AHRR: variants seen among roughly 807,000 people sequenced by gnomAD.
AHRR encodes the protein aryl hydrocarbon receptor repressor.
Under a neutral mutation model 44.0 loss-of-function variants are expected in AHRR, and 28 were observed. The ratio of observed to expected loss-of-function variants is 0.64; its 90% confidence interval spans 0.47 to 0.87. The LOEUF is 0.87. Ranked by LOEUF, AHRR falls within the 40% of genes least tolerant of loss-of-function variation. AHRR has a pLI of 0.00. For synonymous variants in AHRR, 434 were observed against 407.0 expected (o/e 1.07, Z -0.80); for missense variants, 990 against 953.9 (o/e 1.04, Z -0.50).
At chr5:322,857 G>C (rs372173675) in intron 1 of AHRR, among the ~76,000 whole-genome samples, 3 of 152,168 alleles carry the variant, frequency 2.0e-5, no homozygotes, top group Non-Finnish European at 4.4e-5. Flanking sequence ...CGCTTCGACG[G>C]GGGGGACGCC....
chr5:346,296 A>G (rs1272746678), intron 2 of AHRR, among the ~76,000 whole-genome samples: 1 of 152,250 alleles, frequency 6.6e-6, no homozygotes, highest in East Asian at 1.9e-4. Context: ...GCAGGGAGCC[A>G]GCCTGAAGAC....
rs778039296 is a variant in AHRR at position 343,933 on chromosome 5, G to A, written c.31G>A (p.Gly11Ser). 1 of 1,601,092 alleles carries A rather than the reference G, an allele frequency of 6.2e-7. No homozygotes were observed. The highest frequency in any genetic ancestry group is 8.5e-7 in the Non-Finnish European group (1 of 1,174,390). Residue 11 changes from glycine to serine, a missense_variant, in exon 2 of 11, where the codon GGC (glycine) becomes AGC (serine). By Grantham distance (56) the Gly-to-Ser change is moderately conservative. Transcript: ENST00000684583. The stretch of plus-strand genomic sequence containing the variant: ...CCCGCCGGGGGAGTGCACGTACGCG[G>A]GCCGGAAGCGGAGGAGGCCCCTGCA... MIPPGECTYA[G>S]RKRRRPLQKQ... is the part of the protein sequence containing the mutation.
chr5:351,019 T>TTG (rs2126388084), intron 2 of AHRR, among the ~76,000 whole-genome samples: 1 of 151,604 alleles, frequency 6.6e-6, no homozygotes, highest in African/African-American at 2.4e-5. Context: ...ACATCATAAG[T>TTG]CATTAGAAAA....
chr5:435,867 T>G lies in AHRR; in HGVS notation c.*1033T>G. The G allele has an allele frequency of 6.6e-6, 1 of 152,454 alleles. No individual in the cohort carries two copies. Among genetic ancestry groups the G allele is most frequent in the East Asian group, 1.9e-4 (1 of 5,292 alleles). 9.4% of individuals were successfully genotyped at this position (152,454 alleles called of 1,614,324 possible). ...TTGTAAAGGCGATATTTTCTGAGAG[T>G]AGGAAATTTGGATACAAAAGCATAA... On this transcript the variant is annotated 3_prime_UTR_variant, in exon 11 of 11. Coordinates refer to ENST00000684583, the MANE Select transcript of AHRR (RefSeq NM_001377236.1).
At chr5:373,141 G>T (rs1214770400) in intron 3 of AHRR, among the ~76,000 whole-genome samples, 3 of 152,256 alleles carry the variant, frequency 2.0e-5, no homozygotes, top group African/African-American at 7.2e-5. Flanking sequence ...TGCGCGGTTG[G>T]CAGAGTGCTG....
intron 3 of AHRR, chr5:367,707 C>A: frequency 1.6e-6 from 1 of 618,898 alleles, no homozygotes; most frequent in Non-Finnish European, 2.9e-6. Context: ...CAGCCTCTGC[C>A]CCTCTGCCCT....
intron 4 of AHRR, among the ~76,000 whole-genome samples, chr5:400,342 C>T (rs2721021): frequency 1.3e-5 from 2 of 151,926 alleles, no homozygotes; most frequent in South Asian, 2.1e-4. Flanking sequence ...TCCCTGCGGT[C>T]CCTGGGGGAG....
At chr5:323,436 G>A (rs1008071059) in intron 1 of AHRR, among the ~76,000 whole-genome samples, 1 of 152,214 alleles carries the variant, frequency 6.6e-6, no homozygotes, top group Non-Finnish European at 1.5e-5. Flanking sequence ...GTAGGGCCAG[G>A]AAGTTCAGAT....
rs1379850525 is a variant in AHRR at position 326,212 on chromosome 5, CTT to C, written c.-11+4394_-11+4395del. 3.9e-5 allele frequency among the ~76,000 whole-genome samples: 6 copies of C among 152,274 alleles called. No individual in the cohort carries two copies. The highest frequency in any genetic ancestry group is 7.3e-5 in the Non-Finnish European group (5 of 68,052). ...CTGCCTCTCTCTAGCTCCAAAACCTCTTCATCGCCTCCGGCAGTGCTCACCCA... is the reference window on the plus strand; with the variant it reads ...CTGCCTCTCTCTAGCTCCAAAACCTCCATCGCCTCCGGCAGTGCTCACCCA... On this transcript the variant is annotated intron_variant, in intron 1 of 10. Coordinates refer to ENST00000684583, the MANE Select transcript of AHRR (RefSeq NM_001377236.1). The surrounding 1 kb of genome is among the most constrained non-coding windows in gnomAD (Gnocchi z 4.1).
chr5:350,510 T>C (rs1560887429), intron 2 of AHRR, among the ~76,000 whole-genome samples: 1 of 152,156 alleles, frequency 6.6e-6, no homozygotes, highest in Non-Finnish European at 1.5e-5. Flanking sequence ...GTGGCCTGTG[T>C]CCTCCTGGCT....
rs1275209940 is a variant in AHRR at position 435,979 on chromosome 5, A to ACCCC, written c.*1146_*1149dup. 1 of 152,600 alleles carries ACCCC rather than the reference A, an allele frequency of 6.6e-6. No individual in the cohort carries two copies. The highest frequency in any genetic ancestry group is 2.4e-5 in the African/African-American group (1 of 41,414). 9.5% of individuals were successfully genotyped at this position (152,600 alleles called of 1,614,324 possible). On this transcript the variant is annotated 3_prime_UTR_variant, in exon 11 of 11. Transcript: ENST00000684583. The stretch of plus-strand genomic sequence containing the variant: ...GGCTTCTTCCACGGTCTGGCCTGGA[A>ACCCC]CCCCACCCGGCTGGTGCAGGCATCA...
At chr5:385,119 ACT>A in intron 4 of AHRR, among the ~76,000 whole-genome samples, 1 of 150,720 alleles carries the variant, frequency 6.6e-6, no homozygotes, top group East Asian at 2.0e-4. Context: ...AACAAACAAA[ACT>A]CTCTTTAGCA....
chr5:347,903 G>A (rs1579608850), intron 2 of AHRR, among the ~76,000 whole-genome samples: 2 of 152,250 alleles, frequency 1.3e-5, no homozygotes, highest in Non-Finnish European at 2.9e-5. Flanking sequence ...CCTGAGGGCC[G>A]TGTCCAGTGC....
At position 388,091 on chromosome 5, in the gene AHRR, G is replaced by A. The variant is rs532506949; in HGVS notation, c.351+11375G>A. Among the ~76,000 whole-genome samples the A allele has an allele frequency of 3.9e-4, 60 of 152,290 alleles. No individual in the cohort carries two copies. The highest frequency in any genetic ancestry group is 1.3e-3 in the African/African-American group (56 of 41,550). On this transcript the variant is annotated intron_variant, in intron 4 of 10. Coordinates refer to ENST00000684583, the MANE Select transcript of AHRR (RefSeq NM_001377236.1). The surrounding 1 kb of genome is among the most constrained non-coding windows in gnomAD (Gnocchi z 5.2). ...ACCTCATCTCAGCTTCGTGACATCCGCCACTGTCCTATGTCCCAATACAGG... is the reference window on the plus strand; with the variant it reads ...ACCTCATCTCAGCTTCGTGACATCCACCACTGTCCTATGTCCCAATACAGG...
At chr5:408,085 C>T (rs1389833127) in intron 4 of AHRR, among the ~76,000 whole-genome samples, 1 of 152,250 alleles carries the variant, frequency 6.6e-6, no homozygotes, top group Admixed American at 6.5e-5. Flanking sequence ...ACCCCTGGCA[C>T]TCTGCTTTGT....
At position 434,006 on chromosome 5, in the gene AHRR, C is replaced by T; in HGVS notation, c.1266C>T (p.Asp422=). Residue 422 remains aspartate, a synonymous_variant, in exon 11 of 11, where the codon GAC becomes GAT. Transcript: ENST00000684583. Reference sequence around the variant, plus strand: ...CGAGGCTGCAGCCCAGCAAGAATGACCCGCCCTCCCTGCGCCCCATGCCCC... The same window carrying T: ...CGAGGCTGCAGCCCAGCAAGAATGATCCGCCCTCCCTGCGCCCCATGCCCC... The part of the protein sequence containing the change: ...ARPRLQPSKN[D]PPSLRPMPRG... 1 of 1,579,116 alleles carries T rather than the reference C, an allele frequency of 6.3e-7. No individual in the cohort carries two copies.
rs913611807 is a variant in AHRR, at chr5:333,933, C to T, written c.-10-9960C>T. 3.3e-5 allele frequency among the ~76,000 whole-genome samples: 5 copies of T among 152,128 alleles called. 1 individual carries two copies. Among genetic ancestry groups the T allele is most frequent in the African/African-American group, 7.2e-5 (3 of 41,414 alleles). On this transcript the variant is annotated intron_variant, in intron 1 of 10. Transcript: ENST00000684583. ...CTAGTGGTGATGAATTCCCTCAGAT[C>T]GGCTTTTCTGGGAAAGACTTTATTT... is the stretch of plus-strand genomic sequence containing the variant.
At chr5:368,250 C>T (rs963301793) in intron 3 of AHRR, among the ~76,000 whole-genome samples, 3 of 152,204 alleles carry the variant, frequency 2.0e-5, no homozygotes, top group African/African-American at 7.2e-5. Context: ...GCCAGTGGGG[C>T]TGCTCAGGAA....
At chr5:323,742 T>TGCC (rs1007584570) in intron 1 of AHRR, among the ~76,000 whole-genome samples, 212 of 152,288 alleles carry the variant, frequency 1.4e-3, no homozygotes, top group African/African-American at 4.8e-3. Context: ...GTTGGAGAGA[T>TGCC]GCCGCCGGGT....
Sources: allele counts gnomAD v4.1 joint callset (sites outside exome capture counted in the v4.1 genomes callset), GRCh38; gene constraint gnomAD v4.1.1; non-coding constraint Gnocchi (gnomAD v3.1); transcripts MANE v1.5; gene names NCBI Gene and HGNC (gene_info 2026-07-23, HGNC 2026-07-21).